Variants in MED23 observed in about 807,000 individuals in gnomAD.
MED23 encodes the protein mediator of RNA polymerase II transcription subunit 23.
In MED23, 105 loss-of-function variants were observed where a neutral mutation model predicts 163.9. The observed-to-expected ratio is 0.64, with a 90% CI of 0.55 to 0.75. MED23 has a LOEUF of 0.75. Ranked by LOEUF, MED23 falls within the 30% of genes least tolerant of loss-of-function variation. The pLI is 0.00. For missense variants in MED23, 1,054 were observed against 1,649.0 expected (o/e 0.64, Z 6.25); for synonymous variants, 561 against 565.6 (o/e 0.99, Z 0.12).
intron 18 of MED23, 147 bp downstream of exon 18, chr6:131,599,891 G>T (rs1585492504): frequency 8.3e-6 from 8 of 964,434 alleles, no homozygotes; most frequent in Admixed American, 2.2e-5. Context: ...CTAGAGGCTT[G>T]TGCCACCATG....
Position 131,627,640 on chromosome 6 carries a change from C to T in MED23, c.71+1G>A. ...CAAAACTCTGCCACGCATACACTCA[C>T]CCAGGAAAAGCCTCTTCTATAACTT... On this transcript the variant is annotated splice_donor_variant, in intron 2 of 28. Coordinates refer to ENST00000368068, the MANE Select transcript of MED23 (RefSeq NM_004830.4). LOFTEE classifies it high-confidence loss of function. 1.9e-6 allele frequency: 3 copies of T among 1,612,216 alleles called. No homozygotes were observed. The highest frequency in any genetic ancestry group is 2.5e-6 in the Non-Finnish European group (3 of 1,179,342).
rs1229977392 is a variant in MED23, at chr6:131,598,102, A to G, written c.2607+185T>C. On this transcript the variant is annotated intron_variant, in intron 20 of 28. Coordinates refer to ENST00000368068, the MANE Select transcript of MED23 (RefSeq NM_004830.4). This position sits in a 1 kb window ranked among gnomAD's most constrained non-coding sequence, Gnocchi z 4.7. ...GAGACCCTGTCTCAAAAAACAAACAAAAAAACAAAAACAAACAAAAACAGA... is the reference window on the plus strand; with the variant it reads ...GAGACCCTGTCTCAAAAAACAAACAGAAAAACAAAAACAAACAAAAACAGA... The G allele has an allele frequency of 1.4e-6, 1 of 701,620 alleles. No individual in the cohort carries two copies. Among genetic ancestry groups the G allele is most frequent in the African/African-American group, 1.8e-5 (1 of 55,528 alleles). 43.5% of individuals were successfully genotyped at this position (701,620 alleles called of 1,614,324 possible). A position where few individuals can be genotyped will look rare whatever the true frequency, so the allele number is the denominator to read the frequency against.
intron 10 of MED23, among the ~76,000 whole-genome samples, chr6:131,612,359 T>C (rs1776340860): frequency 6.6e-6 from 1 of 152,110 alleles, no homozygotes; most frequent in South Asian, 2.1e-4. Flanking sequence ...GCTTTAGTTT[T>C]CAATTATTTA....
chr6:131,619,001 G>T (rs184961993), intron 8 of MED23, among the ~76,000 whole-genome samples: 17 of 152,306 alleles, frequency 1.1e-4, no homozygotes, highest in Non-Finnish European at 2.4e-4. Context: ...GGCCTTAGAT[G>T]TCACATATGA....
At chr6:131,579,386 C>T in intron 30 of MED23, 1 of 1,343,492 alleles carries the variant, frequency 7.4e-7, no homozygotes, top group Non-Finnish European at 1.0e-6. Flanking sequence ...AAAGCATTGA[C>T]CTATATTTTA....
chr6:131,591,886 G>A (rs1774668564), intron 25 of MED23: 1 of 245,064 alleles, frequency 4.1e-6, no homozygotes, highest in Non-Finnish European at 7.9e-6. Flanking sequence ...CATGTGAGCT[G>A]GAAAAGTCAG....
intron 7 of MED23, among the ~76,000 whole-genome samples, chr6:131,620,212 A>C (rs373074442): frequency 6.6e-6 from 1 of 152,224 alleles, no homozygotes; most frequent in African/African-American, 2.4e-5. Flanking sequence ...AAATATACAT[A>C]TTATCTAAGG....
Position 131,606,624 on chromosome 6 carries a change from A to G in MED23, c.1222T>C (p.Tyr408His). 1 of 1,606,570 alleles carries G rather than the reference A, an allele frequency of 6.2e-7. No individual in the cohort carries two copies. The highest frequency in any genetic ancestry group is 8.5e-7 in the Non-Finnish European group (1 of 1,173,512). Residue 408 changes from tyrosine (Y) to histidine (H), a missense_variant and splice_region_variant, in exon 13 of 29, where the codon TAT becomes CAT. Tyr to His is a moderately conservative substitution (Grantham distance 83). Transcript: ENST00000368068. ...TTGTTAATATCAGGAACTGGGATAT[A>G]CTGAAAAATAACAATTTGAAAAATA... is the stretch of plus-strand genomic sequence containing the variant. The part of the protein sequence containing the change: ...LFDLLYPEKE[Y>H]IPVPDINKPQ...
Position 131,592,996 on chromosome 6 carries a change from G to T in MED23, c.3398+10C>A, listed in dbSNP as rs758565944. 6.2e-7 allele frequency: 1 copy of T among 1,614,066 alleles called. No individual in the cohort carries two copies. Among genetic ancestry groups the T allele is most frequent in the South Asian group, 1.1e-5 (1 of 91,080 alleles). On this transcript the variant is annotated intron_variant, in intron 24 of 28. Transcript: ENST00000368068. ...ACAACAAATCTTACTGCATGAACCA[G>T]AATACATACCTTTTTAGGACAACAT...
Position 131,623,423 on chromosome 6 carries a change from C to G in MED23, c.324G>C (p.Glu108Asp). The stretch of plus-strand genomic sequence containing the variant: ...AGGCCCAAAGCTGTGTTCTTTCCCA[C>G]TCAAGAGTGTCAGAGTTTATCAGGG... ...CESLINSDTL[E>D]WERTQLWALT... is the part of the protein sequence containing the mutation. The change falls in exon 5 of 29, where the codon GAG (glutamate) becomes GAC (aspartate). Residue 108 changes from glutamate to aspartate, a missense_variant. Glu to Asp is a conservative substitution (Grantham distance 45). Transcript: ENST00000368068. 1 of 1,614,148 alleles carries G rather than the reference C, an allele frequency of 6.2e-7. No individual in the cohort carries two copies. The highest frequency in any genetic ancestry group is 8.5e-7 in the Non-Finnish European group (1 of 1,180,032).
In MED23 at chr6:131,627,429, C is replaced by G; in HGVS notation, c.126G>C (p.Gly42=). The change falls in exon 3 of 29, where the codon GGG becomes GGC. Residue 42 remains glycine, a synonymous_variant. Coordinates refer to ENST00000368068, the MANE Select transcript of MED23 (RefSeq NM_004830.4). ...DEKTKLISCL[G]AFRQFWGGLS... ...GACCACCCCAAAACTGTCTGAAGGC[C>G]CCCAAACAGCTAATTAGTTTTGTTT... 6.2e-7 allele frequency: 1 copy of G among 1,613,172 alleles called. No individual in the cohort carries two copies. Among genetic ancestry groups the G allele is most frequent in the Non-Finnish European group, 8.5e-7 (1 of 1,179,852 alleles).
In MED23 at chr6:131,598,201, A is replaced by T. The variant is rs1442037680; in HGVS notation, c.2607+86T>A. 7.6e-7 allele frequency: 1 copy of T among 1,307,538 alleles called. No homozygotes were observed. Among genetic ancestry groups the T allele is most frequent in the Admixed American group, 1.8e-5 (1 of 55,902 alleles). 81.0% of individuals were successfully genotyped at this position (1,307,538 alleles called of 1,614,324 possible). ...TAGTATAAATTCATTAAATCCTTCAAAGCAATATAGAGCAGATTGGCATAA... is the reference window on the plus strand; with the variant it reads ...TAGTATAAATTCATTAAATCCTTCATAGCAATATAGAGCAGATTGGCATAA... On this transcript the variant is annotated intron_variant, in intron 20 of 28. Coordinates refer to ENST00000368068, the MANE Select transcript of MED23 (RefSeq NM_004830.4). The surrounding 1 kb of genome is among the most constrained non-coding windows in gnomAD (Gnocchi z 4.7).
intron 16 of MED23, 86 bp from the exon 17 acceptor site, chr6:131,602,467 G>T: frequency 8.1e-7 from 1 of 1,240,810 alleles, no homozygotes; most frequent in Non-Finnish European, 1.1e-6. Context: ...GGAAAAACAT[G>T]CAATCTATGA....
At chr6:131,589,629 G>C in intron 27 of MED23, 33 bp from the exon 28 acceptor site, 3 of 1,603,128 alleles carry the variant, frequency 1.9e-6, no homozygotes. Flanking sequence ...TTATTTAAGT[G>C]ATCAAGTGAT....
At chr6:131,611,888 G>A (rs1449567874) in intron 10 of MED23, among the ~76,000 whole-genome samples, 1 of 152,042 alleles carries the variant, frequency 6.6e-6, no homozygotes, top group East Asian at 1.9e-4. Context: ...GAGTCACTTT[G>A]GAGTTTCCTT....
At chr6:131,575,767 G>A (rs1440118631) in intron 30 of MED23, among the ~76,000 whole-genome samples, 1 of 152,180 alleles carries the variant, frequency 6.6e-6, no homozygotes, top group Non-Finnish European at 1.5e-5. Context: ...AATTGTTCAG[G>A]GGACTGAGGA....
intron 9 of MED23, among the ~76,000 whole-genome samples, chr6:131,617,423 T>C (rs1292816936): frequency 6.6e-6 from 1 of 151,150 alleles, no homozygotes; most frequent in African/African-American, 2.4e-5. Context: ...CTATTGTAAC[T>C]ATGATGTAAA....
At chr6:131,601,303 A>G (rs1562382335) in intron 17 of MED23, among the ~76,000 whole-genome samples, 1 of 152,216 alleles carries the variant, frequency 6.6e-6, no homozygotes, top group Non-Finnish European at 1.5e-5. Flanking sequence ...AGTGATATTA[A>G]CAAATGTAAT....
chr6:131,622,968 G>A (rs1249322275), intron 5 of MED23, among the ~76,000 whole-genome samples: 1 of 152,186 alleles, frequency 6.6e-6, no homozygotes, highest in East Asian at 1.9e-4. Flanking sequence ...TAAGACCCAC[G>A]TTCAAGAGAA....
Sources: gnomAD v4.1 joint callset for allele counts (sites outside exome capture counted in the v4.1 genomes callset) on GRCh38, gnomAD v4.1.1 for gene constraint, Gnocchi (gnomAD v3.1) non-coding constraint, MANE v1.5 for transcripts, NCBI Gene and HGNC (gene_info 2026-07-23, HGNC 2026-07-21) for gene names.